PLPP2: variants seen among roughly 807,000 people sequenced by gnomAD.
PLPP2 encodes PAP2-gamma.
PLPP2 carries 29 observed loss-of-function variants against 35.2 expected under a neutral mutation model. The ratio of observed to expected loss-of-function variants is 0.82; its 90% CI spans 0.61 to 1.12. The LOEUF (loss-of-function observed/expected upper bound fraction) is 1.12, where lower values mean the gene tolerates loss of function less well. PLPP2 is among the 50% of genes most tolerant of loss of function. The pLI is 0.00. For synonymous variants in PLPP2, 162 were observed against 167.0 expected, an observed-to-expected ratio of 0.97 and a Z score of 0.23; for missense variants, 353 against 375.2, an observed-to-expected ratio of 0.94 and a Z score of 0.49.
rs1970308364 is a variant in PLPP2 at position 288,131 on chromosome 19, C to CG, written c.92dup (p.Tyr32ValfsTer10). The CG allele has an allele frequency of 6.2e-7, 1 of 1,608,640 alleles. No homozygotes were observed. Among genetic ancestry groups the CG allele is most frequent in the Admixed American group, 1.7e-5 (1 of 59,680 alleles). ...CCCCGCAGTAAAATCCTCGCTTGTA[C>CG]GGGGCGTTCACCAGCGTCAGGATAG... is the stretch of plus-strand genomic sequence containing the variant. On this transcript the variant is annotated frameshift_variant, in exon 2 of 6. Coordinates refer to ENST00000434325, the MANE Select transcript of PLPP2 (RefSeq NM_003712.4). LOFTEE classifies it high-confidence loss of function.
Position 287,590 on chromosome 19 carries a change from A to G in PLPP2, c.366T>C (p.Arg122=), listed in dbSNP as rs377628813. 1.2e-6 allele frequency: 2 copies of G among 1,613,734 alleles called. No homozygotes were observed. The highest frequency in any genetic ancestry group is 1.7e-6 in the Non-Finnish European group (2 of 1,180,046). ...LTDLAKYMIG[R]LRPNFLAVCD... is the part of the protein sequence containing the mutation. ...AGACGGCTAGGAAGTTGGGCCTCAGACGCCCAATCATGTACTTGGCCAGGT... is the reference window on the plus strand; with the variant it reads ...AGACGGCTAGGAAGTTGGGCCTCAGGCGCCCAATCATGTACTTGGCCAGGT... Residue 122 remains arginine, a synonymous_variant, in exon 3 of 6, where the codon CGT becomes CGC. Coordinates refer to ENST00000434325, the MANE Select transcript of PLPP2 (RefSeq NM_003712.4). This position sits in a 1 kb window ranked among gnomAD's most constrained non-coding sequence, Gnocchi z 4.3.
chr19:282,637 G>GC (rs908650573), intron 4 of PLPP2, 115 bp downstream of exon 4: 8 of 1,128,374 alleles, frequency 7.1e-6, no homozygotes, highest in African/African-American at 3.1e-5. Context: ...AAATCAGTTA[G>GC]CCCCCCTCAC....
chr19:286,349 C>T lies in PLPP2; in HGVS notation c.482+1125G>A, dbSNP rs79667887. The T allele has an allele frequency of 3.3e-3, 497 of 151,374 alleles. 2 individuals carry two copies. The highest frequency in any genetic ancestry group is 6.4e-3 in the Non-Finnish European group (434 of 67,866). The allele number at this position is 151,374 out of a possible 1,614,324, so 9.4% of individuals were successfully genotyped here. ...CCAGCTGGATTTGGTGGTGTATGCC[C>T]GTAGTACCAGCTACTTGGAAGGCAG... On this transcript the variant is annotated intron_variant, in intron 3 of 5. Coordinates refer to ENST00000434325, the MANE Select transcript of PLPP2 (RefSeq NM_003712.4).
chr19:291,035 C>T (rs1283272997), intron 1 of PLPP2: 3 of 1,279,680 alleles, frequency 2.3e-6, no homozygotes, highest in African/African-American at 3.1e-5. Context: ...GGGATGCTGG[C>T]CCCGGCTCCC....
Position 287,708 on chromosome 19 carries a change from T to C in PLPP2, c.248A>G (p.Tyr83Cys). Residue 83 changes from tyrosine to cysteine, a missense_variant, in exon 3 of 6, where the codon TAT (tyrosine) becomes TGT (cysteine). Coordinates refer to ENST00000434325, the MANE Select transcript of PLPP2 (RefSeq NM_003712.4). The surrounding 1 kb of genome is among the most constrained non-coding windows in gnomAD (Gnocchi z 4.3). ...EAYLVYTDRL[Y>C]SRSDFNNYVA... ...GTAGTTGTTGAAGTCCGAGCGAGAATAGAGCCGGTCTGTGTACACCAGGTA... is the reference window on the plus strand; with the variant it reads ...GTAGTTGTTGAAGTCCGAGCGAGAACAGAGCCGGTCTGTGTACACCAGGTA... The C allele has an allele frequency of 6.2e-7, 1 of 1,613,840 alleles. No homozygotes were observed. The highest frequency in any genetic ancestry group is 2.2e-5 in the East Asian group (1 of 44,874).
rs139689813 is a variant in PLPP2, at chr19:282,181, C to T, written c.670G>A (p.Asp224Asn). The T allele has an allele frequency of 8.5e-4, 1,375 of 1,613,814 alleles. 2 individuals carry two copies. Among genetic ancestry groups the T allele is most frequent in the Middle Eastern group, 1.5e-3 (9 of 6,058 alleles). ...RVSDYKHHWS[D>N]VLVGLLQGAL... Reference sequence around the variant, plus strand: ...CCCTGCAGGAGGCCAACAAGGACATCGCTCCAGTGGTGTTTGTAATCAGAC... The same window carrying T: ...CCCTGCAGGAGGCCAACAAGGACATTGCTCCAGTGGTGTTTGTAATCAGAC... The change falls in exon 5 of 6, where the codon GAT (aspartate) becomes AAT (asparagine). Residue 224 changes from aspartate (D) to asparagine (N), a missense_variant. Asp to Asn is a conservative substitution (Grantham distance 23). Coordinates refer to ENST00000434325, the MANE Select transcript of PLPP2 (RefSeq NM_003712.4).
chr19:282,141 G>C lies in PLPP2; in HGVS notation c.710C>G (p.Ala237Gly). 1 of 1,613,396 alleles carries C rather than the reference G, an allele frequency of 6.2e-7. No homozygotes were observed. The highest frequency in any genetic ancestry group is 8.5e-7 in the Non-Finnish European group (1 of 1,179,758). The change falls in exon 5 of 6, where the codon GCC becomes GGC. Residue 237 changes from alanine (A) to glycine (G), a missense_variant. Transcript: ENST00000434325. ...VGLLQGALVAALTVCYISDFF... is the reference protein window; with the variant it reads ...VGLLQGALVAGLTVCYISDFF... ...TTAGGGTTAGAAGCTCACAGTGAGG[G>C]CAGCCACCAGTGCCCCCTGCAGGAG...
At chr19:290,360 T>C (rs1353274810) in intron 1 of PLPP2, among the ~76,000 whole-genome samples, 1 of 152,164 alleles carries the variant, frequency 6.6e-6, no homozygotes, top group Non-Finnish European at 1.5e-5. Context: ...GCCACCTAAA[T>C]GTTTACATAA....
At position 291,307 on chromosome 19, in the gene PLPP2, G is replaced by A; in HGVS notation, c.30C>T (p.Leu10=). MQRRWVFVL[L]DVLCLLVASL... ...TACCGACCAGTAAGCACAGCACGTC[G>A]AGCAGCACGAAGACCCACCTCCGCT... Residue 10 remains leucine (L), a synonymous_variant, in exon 1 of 6, where the codon CTC becomes CTT. Transcript: ENST00000434325. The A allele has an allele frequency of 6.2e-7, 1 of 1,600,880 alleles. No individual in the cohort carries two copies. The highest frequency in any genetic ancestry group is 8.5e-7 in the Non-Finnish European group (1 of 1,174,980).
Position 288,056 on chromosome 19 carries a change from G to A in PLPP2, c.168C>T (p.Leu56=), listed in dbSNP as rs1314324325. The A allele has an allele frequency of 5.6e-6, 9 of 1,613,854 alleles. No homozygotes were observed. The highest frequency in any genetic ancestry group is 3.3e-5 in the South Asian group (3 of 91,070). ...TGGCCGTGATGGTGACCCCAGCCAT[G>A]AGCCCGTGGGTGATGGTATCTGGAC... ...PYRPDTITHG[L]MAGVTITATV... is the part of the protein sequence containing the mutation. Residue 56 remains leucine (L), a synonymous_variant, in exon 2 of 6, where the codon CTC becomes CTT. Transcript: ENST00000434325.
chr19:283,679 A>AGGGCC (rs1404833619), intron 3 of PLPP2: 1 of 152,262 alleles, frequency 6.6e-6, no homozygotes, highest in Admixed American at 6.5e-5. Context: ...GAGGCCTGCG[A>AGGGCC]GGGCCGAAGC....
intron 1 of PLPP2, among the ~76,000 whole-genome samples, chr19:289,877 G>A (rs12977857): frequency 0.62 from 93,664 of 151,238 alleles, 29,876 homozygotes; most frequent in African/African-American, 0.71. Context: ...TCAGGGTTAC[G>A]AGATGCCCAG....
At chr19:284,716 A>G (rs947609577) in intron 3 of PLPP2, 9 of 152,272 alleles carry the variant, frequency 5.9e-5, no homozygotes, top group Non-Finnish European at 1.2e-4. Context: ...GAAAGAAGTT[A>G]TAAAAAGGAA....
intron 5 of PLPP2, among the ~76,000 whole-genome samples, chr19:281,795 G>A (rs1000200129): frequency 1.4e-5 from 2 of 145,252 alleles, no homozygotes; most frequent in Non-Finnish European, 3.0e-5. Context: ...ACGGAAAGGA[G>A]TCCTGTGCAC....
rs1600075949 is a variant in PLPP2, at chr19:282,115, G to C, written c.717+19C>G. The C allele has an allele frequency of 1.2e-6, 2 of 1,612,446 alleles. No individual in the cohort carries two copies. The highest frequency in any genetic ancestry group is 1.7e-6 in the Non-Finnish European group (2 of 1,179,524). ...GTCTCTGGACAACACAGGGGATAGA[G>C]TTAGGGTTAGAAGCTCACAGTGAGG... On this transcript the variant is annotated intron_variant, in intron 5 of 5. Coordinates refer to ENST00000434325, the MANE Select transcript of PLPP2 (RefSeq NM_003712.4).
chr19:288,997 G>C (rs773467198), intron 1 of PLPP2, among the ~76,000 whole-genome samples: 1 of 152,150 alleles, frequency 6.6e-6, no homozygotes, highest in Non-Finnish European at 1.5e-5. Context: ...CCCCTTCATC[G>C]ACCAGCCACG....
Position 281,427 on chromosome 19 carries a change from A to G in PLPP2, c.828T>C (p.Ala276=). ...SLSLTLTLGE[A]DHNHYGYPHS... ...GCGGGTATCCATAGTGGTTGTGGTC[A>G]GCCTCGCCCAGGGTCAACGTCAGTG... The change falls in exon 6 of 6, where the codon GCT becomes GCC. Residue 276 remains alanine (A), a synonymous_variant. Transcript: ENST00000434325. 6.6e-7 allele frequency: 1 copy of G among 1,515,552 alleles called. No individual in the cohort carries two copies. Among genetic ancestry groups the G allele is most frequent in the Non-Finnish European group, 8.9e-7 (1 of 1,129,754 alleles). 93.9% of individuals were successfully genotyped at this position (1,515,552 alleles called of 1,614,324 possible).
Position 281,433 on chromosome 19 carries a change from G to T in PLPP2, c.822C>A (p.Gly274=). 1 of 1,537,024 alleles carries T rather than the reference G, an allele frequency of 6.5e-7. No individual in the cohort carries two copies. The highest frequency in any genetic ancestry group is 2.5e-5 in the East Asian group (1 of 40,798). ...ATCCATAGTGGTTGTGGTCAGCCTCGCCCAGGGTCAACGTCAGTGACAGGC... is the reference window on the plus strand; with the variant it reads ...ATCCATAGTGGTTGTGGTCAGCCTCTCCCAGGGTCAACGTCAGTGACAGGC... ...KPSLSLTLTL[G]EADHNHYGYP... Residue 274 remains glycine (G), a synonymous_variant, in exon 6 of 6, where the codon GGC becomes GGA. Transcript: ENST00000434325.
chr19:289,905 C>T (rs1466569004), intron 1 of PLPP2, among the ~76,000 whole-genome samples: 1 of 151,502 alleles, frequency 6.6e-6, no homozygotes, highest in Non-Finnish European at 1.5e-5. Flanking sequence ...TGCAGCCCGA[C>T]CACAGCTCTT....
Sources: allele counts gnomAD v4.1 joint callset (sites outside exome capture counted in the v4.1 genomes callset), GRCh38; gene constraint gnomAD v4.1.1; non-coding constraint Gnocchi (gnomAD v3.1); transcripts MANE v1.5; gene names NCBI Gene and HGNC (gene_info 2026-07-23, HGNC 2026-07-21).